The following DMXL2 variants were observed in gnomAD, a reference collection of about 807,000 sequenced individuals.
DMXL2 encodes the protein Dmx like 2, also known as dmX-like protein 2.
DMXL2 carries 103 observed loss-of-function variants against 331.1 expected under a neutral mutation model. The observed-to-expected ratio is 0.31, with a 90% CI of 0.27 to 0.37. The LOEUF is 0.37. Among genes scored for constraint, DMXL2 ranks in the 10% least tolerant of loss-of-function variants. The pLI is 1.00. For missense variants in DMXL2, 3,171 were observed against 3,642.9 expected (o/e 0.87, Z 3.33); for synonymous variants, 1,281 against 1,252.1 (o/e 1.02, Z -0.49).
chr15:51,598,381 T>C (rs2052982861), intron 1 of DMXL2, among the ~76,000 whole-genome samples: 1 of 152,184 alleles, frequency 6.6e-6, no homozygotes, highest in Non-Finnish European at 1.5e-5. Context: ...TACTTTAATG[T>C]TTCCCCTTAA....
chr15:51,512,206 A>T (rs1376476373), intron 15 of DMXL2, among the ~76,000 whole-genome samples: 2 of 152,172 alleles, frequency 1.3e-5, no homozygotes, highest in Non-Finnish European at 2.9e-5. Flanking sequence ...ATAATAATAA[A>T]AATAAACTTG....
At position 51,514,579 on chromosome 15, in the gene DMXL2, T is replaced by G. The variant is rs758700428; in HGVS notation, c.2527-20A>C. ...GCCACACTACAAATACAAAAAAAAA[T>G]GAAGAGGTTTTATCTTTGAAATTCC... is the stretch of plus-strand genomic sequence containing the variant. On this transcript the variant is annotated intron_variant, in intron 14 of 43. Transcript: ENST00000560891. 1 of 1,444,084 alleles carries G rather than the reference T, an allele frequency of 6.9e-7. No homozygotes were observed. The highest frequency in any genetic ancestry group is 1.2e-5 in the South Asian group (1 of 81,956). The allele number at this position is 1,444,084 out of a possible 1,614,324, so 89.5% of individuals were successfully genotyped here. A position where few individuals can be genotyped will look rare whatever the true frequency, so the allele number is the denominator to read the frequency against.
At chr15:51,516,121 T>C (rs1301633099) in intron 14 of DMXL2, among the ~76,000 whole-genome samples, 1 of 152,234 alleles carries the variant, frequency 6.6e-6, no homozygotes. Flanking sequence ...CTTTCAACTA[T>C]AGTTGGCTCT....
At position 51,466,207 on chromosome 15, in the gene DMXL2, C is replaced by T; in HGVS notation, c.7497G>A (p.Glu2499=). The change falls in exon 30 of 44, where the codon GAG becomes GAA. Residue 2499 remains glutamate, a synonymous_variant. Transcript: ENST00000560891. ...DAFFSDTQIQ[E]HQDPNSYSWA... ...ACCTATAGGAATTTGGATCTTGGTG[C>T]TCCTGTATTTGTGTATCTGAAAAAA... 6.4e-7 allele frequency: 1 copy of T among 1,566,594 alleles called. No individual in the cohort carries two copies. The highest frequency in any genetic ancestry group is 1.2e-5 in the South Asian group (1 of 80,328).
chr15:51,563,558 A>T, intron 5 of DMXL2, 111 bp from the exon 6 acceptor site: 1 of 623,286 alleles, frequency 1.6e-6, no homozygotes, highest in South Asian at 2.6e-5. Flanking sequence ...TCAGAATAAG[A>T]CTGTTTTTGC....
At chr15:51,540,637 T>A (rs942567385) in intron 9 of DMXL2, among the ~76,000 whole-genome samples, 1 of 151,774 alleles carries the variant, frequency 6.6e-6, no homozygotes, top group Non-Finnish European at 1.5e-5. Context: ...TTTCAAAAAA[T>A]TTTTTGAAAA....
intron 1 of DMXL2, among the ~76,000 whole-genome samples, chr15:51,600,613 C>A (rs144092257): frequency 1.1e-4 from 16 of 152,302 alleles, no homozygotes; most frequent in African/African-American, 3.6e-4. Flanking sequence ...TTATTTCATG[C>A]GTTTTGTTTT....
Position 51,457,384 on chromosome 15 carries a change from G to C in DMXL2, c.8281C>G (p.Pro2761Ala). 1 of 1,614,196 alleles carries C rather than the reference G, an allele frequency of 6.2e-7. No individual in the cohort carries two copies. The highest frequency in any genetic ancestry group is 1.7e-5 in the Admixed American group (1 of 60,034). The change falls in exon 37 of 44, where the codon CCA becomes GCA. Residue 2761 changes from proline to alanine, a missense_variant. By Grantham distance (27) the Pro-to-Ala change is conservative (BLOSUM62 -1). Coordinates refer to ENST00000560891, the MANE Select transcript of DMXL2 (RefSeq NM_001378457.1). Reference protein sequence around the residue: ...ATSYSASQVHPPSSLPWLGTG... With the variant: ...ATSYSASQVHAPSSLPWLGTG... ...CCCAGCCATGGCAGAGATGAAGGTG[G>C]ATGCACCTGACTTGCTGAATAGGAT...
At chr15:51,592,940 G>A (rs1278528698) in intron 1 of DMXL2, among the ~76,000 whole-genome samples, 12 of 152,282 alleles carry the variant, frequency 7.9e-5, no homozygotes, top group Middle Eastern at 3.4e-3. Context: ...GGAACAACCA[G>A]TACCAGCCAC....
At chr15:51,566,099 C>T (rs1012396316) in intron 3 of DMXL2, among the ~76,000 whole-genome samples, 11 of 152,076 alleles carry the variant, frequency 7.2e-5, no homozygotes, top group Admixed American at 5.2e-4. Context: ...GACCCAGCTA[C>T]TTTGGAGGCT....
At chr15:51,466,346 TATA>T in intron 29 of DMXL2, 35 bp from the exon 30 acceptor site, 3 of 939,468 alleles carry the variant, frequency 3.2e-6, no homozygotes, top group Non-Finnish European at 4.3e-6. Flanking sequence ...TTTTAAAGAT[TATA>T]ATTTCATAAA....
chr15:51,487,543 C>T (rs757859183), intron 22 of DMXL2, among the ~76,000 whole-genome samples: 7 of 152,112 alleles, frequency 4.6e-5, no homozygotes, highest in Non-Finnish European at 8.8e-5. Flanking sequence ...CTGCAACCTC[C>T]GCCTCTCGGG....
At chr15:51,469,567 T>C (rs950357497) in intron 29 of DMXL2, among the ~76,000 whole-genome samples, 1 of 152,246 alleles carries the variant, frequency 6.6e-6, no homozygotes, top group African/African-American at 2.4e-5. Flanking sequence ...TTATCTTTGT[T>C]GCACAGATGA....
rs1555450323 is a variant in DMXL2, at chr15:51,609,940, A to AAAAC, written c.87+12518_87+12519insGTTT. On this transcript the variant is annotated intron_variant, in intron 1 of 43. Coordinates refer to ENST00000560891, the MANE Select transcript of DMXL2 (RefSeq NM_001378457.1). ...AGTGAAAGTCAGTCTTAAAAAAAAA[A>AAAAC]AAAAAAACTATCTAGGTTTGTGTAA... Among the ~76,000 whole-genome samples, 5 of 150,958 alleles carry AAAAC rather than the reference A, an allele frequency of 3.3e-5. No homozygotes were observed. In the East Asian group the frequency reaches 7.8e-4, roughly 23 times the overall value.
chr15:51,492,900 G>T (rs2042910316), intron 19 of DMXL2, among the ~76,000 whole-genome samples: 1 of 152,082 alleles, frequency 6.6e-6, no homozygotes, highest in African/African-American at 2.4e-5. Flanking sequence ...TATAGATTTT[G>T]TACATAGTTT....
intron 1 of DMXL2, among the ~76,000 whole-genome samples, chr15:51,620,630 A>T (rs2054566417): frequency 6.6e-6 from 1 of 152,244 alleles, no homozygotes; most frequent in South Asian, 2.1e-4. Context: ...AGGATGAAGA[A>T]GTTATCGGAC....
chr15:51,596,541 T>C (rs1245648550), intron 1 of DMXL2, among the ~76,000 whole-genome samples: 1 of 152,198 alleles, frequency 6.6e-6, no homozygotes, highest in Non-Finnish European at 1.5e-5. Context: ...GAACTAGAAA[T>C]ACCATTTGAC....
intron 6 of DMXL2, among the ~76,000 whole-genome samples, chr15:51,557,576 G>A (rs778776596): frequency 2.4e-4 from 36 of 151,852 alleles, no homozygotes; most frequent in South Asian, 8.3e-4. Flanking sequence ...TAGATAAGAC[G>A]ATCTTAAAAA....
chr15:51,471,117 G>T, intron 29 of DMXL2, 106 bp downstream of exon 29: 2 of 1,072,356 alleles, frequency 1.9e-6, no homozygotes, highest in Non-Finnish European at 2.7e-6. Flanking sequence ...AAACTATGGT[G>T]ATTCAATCCA....
Sources: gnomAD v4.1 joint callset for allele counts (sites outside exome capture counted in the v4.1 genomes callset) on GRCh38, gnomAD v4.1.1 for gene constraint, MANE v1.5 for transcripts, NCBI Gene and HGNC (gene_info 2026-07-23, HGNC 2026-07-21) for gene names.